CEACAM18: variants seen among roughly 807,000 people sequenced by gnomAD.
CEACAM18 encodes cell adhesion molecule CEACAM18.
In CEACAM18, 33 loss-of-function variants were observed where a neutral mutation model predicts 34.3. That is an observed-to-expected ratio of 0.96 (90% CI 0.73 to 1.29). The LOEUF is 1.29. Ranked by LOEUF, CEACAM18 falls within the 50% of genes most tolerant of loss-of-function variation. The pLI is 0.00. For missense variants in CEACAM18, 474 were observed against 485.0 expected, an observed-to-expected ratio of 0.98 and a Z score of 0.21; for synonymous variants, 169 against 180.9, an observed-to-expected ratio of 0.93 and a Z score of 0.53.
intron 5 of CEACAM18, among the ~76,000 whole-genome samples, chr19:51,490,017 T>C (rs1267351866): frequency 6.6e-6 from 1 of 152,162 alleles, no homozygotes; most frequent in Non-Finnish European, 1.5e-5. Context: ...CCATGTTCTC[T>C]ATGGTCTGGG....
chr19:51,490,853 G>A (rs1224173088), exon 6 of CEACAM18: 2 of 384,608 alleles, frequency 5.2e-6, no homozygotes, highest in East Asian at 3.7e-5. Flanking sequence ...GCCATTGGGC[G>A]CTTCATCTGC....
Position 51,484,815 on chromosome 19 carries a change from T to C in CEACAM18, c.954-172T>C, listed in dbSNP as rs1599944560. 5.3e-5 allele frequency among the ~76,000 whole-genome samples: 8 copies of C among 152,190 alleles called. No homozygotes were observed. The South Asian group carries it at 1.7e-3, about 31-fold the overall frequency. Reference sequence around the variant, plus strand: ...CCAGCTAGAATGTCAGGCCCATGGGTACAGGGAGTTTGTTTTGTTGGCTGC... The same window carrying C: ...CCAGCTAGAATGTCAGGCCCATGGGCACAGGGAGTTTGTTTTGTTGGCTGC... On this transcript the variant is annotated intron_variant, in intron 4 of 5. Coordinates refer to ENST00000396477, the Ensembl canonical transcript of CEACAM18.
At chr19:51,481,751 G>A (rs1472440020) in intron 3 of CEACAM18, 86 bp downstream of exon 3, 3 of 1,375,960 alleles carry the variant, frequency 2.2e-6, no homozygotes, top group Non-Finnish European at 2.9e-6. Flanking sequence ...AGGCTGAGCT[G>A]GAGAGAGGGG....
intron 5 of CEACAM18, among the ~76,000 whole-genome samples, chr19:51,487,521 T>G (rs549325692): frequency 6.6e-6 from 1 of 151,888 alleles, no homozygotes; most frequent in African/African-American, 2.4e-5. Context: ...AATCCCAGCA[T>G]GTTGGAAGGC....
At chr19:51,487,399 C>T (rs962162219) in intron 5 of CEACAM18, among the ~76,000 whole-genome samples, 7 of 151,872 alleles carry the variant, frequency 4.6e-5, no homozygotes, top group Admixed American at 2.0e-4. Context: ...CTCTTGAGCC[C>T]GAGAGGCAGA....
exon 5 of CEACAM18, chr19:51,484,987 G>A: frequency 1.3e-6 from 2 of 1,536,090 alleles, no homozygotes; most frequent in South Asian, 1.2e-5. Context: ...CTTCCTTCAG[G>A]GATCTTACCT....
chr19:51,485,703 T>C (rs1439759920), intron 5 of CEACAM18, among the ~76,000 whole-genome samples: 1 of 152,200 alleles, frequency 6.6e-6, no homozygotes, highest in Admixed American at 6.5e-5. Context: ...AAAGGGGACT[T>C]GCAGCATTCT....
chr19:51,480,720 A>G (rs777310666), intron 2 of CEACAM18, 40 bp downstream of exon 2: 3 of 1,542,404 alleles, frequency 1.9e-6, no homozygotes, highest in African/African-American at 1.4e-5. Context: ...CCCCAAGGAG[A>G]GCTAGATGTG....
chr19:51,478,958 A>ATG (rs377296645), intron 1 of CEACAM18, among the ~76,000 whole-genome samples: 9 of 150,658 alleles, frequency 6.0e-5, no homozygotes, highest in African/African-American at 1.2e-4. Context: ...GCACATGCAC[A>ATG]CACACACACG....
At chr19:51,483,949 A>C (rs1989960718) in intron 4 of CEACAM18, among the ~76,000 whole-genome samples, 1 of 152,200 alleles carries the variant, frequency 6.6e-6, no homozygotes, top group Non-Finnish European at 1.5e-5. Flanking sequence ...GAGACTGCAG[A>C]GGAGTGCAGC....
intron 1 of CEACAM18, among the ~76,000 whole-genome samples, 178 bp downstream of exon 1, chr19:51,478,872 C>A (rs1269358223): frequency 1.3e-5 from 2 of 151,994 alleles, no homozygotes; most frequent in African/African-American, 4.8e-5. Context: ...CATGAGCTCA[C>A]ACACGTGGGC....
exon 2 of CEACAM18, chr19:51,480,494 A>G (rs757123532): frequency 4.3e-6 from 7 of 1,613,934 alleles, no homozygotes; most frequent in African/African-American, 1.3e-5. Context: ...CGCAGGAAAC[A>G]TGATTATCAG....
At chr19:51,490,938 C>G (rs554809360) in exon 6 of CEACAM18, 15 of 293,454 alleles carry the variant, frequency 5.1e-5, no homozygotes, top group Non-Finnish European at 8.1e-5. Context: ...CAAGCGCCTC[C>G]TCCCTCAGCT....
exon 6 of CEACAM18, chr19:51,490,749 C>A: frequency 1.6e-6 from 1 of 613,930 alleles, no homozygotes; most frequent in Non-Finnish European, 2.4e-6. Flanking sequence ...AGAGAGGGAC[C>A]CAGCCCAGTC....
chr19:51,485,697 G>T (rs533986682), intron 5 of CEACAM18, among the ~76,000 whole-genome samples: 2 of 152,298 alleles, frequency 1.3e-5, no homozygotes, highest in East Asian at 3.9e-4. Context: ...GGAGGAAAAG[G>T]GGACTTGCAG....
chr19:51,483,153 T>C (rs751851952), exon 4 of CEACAM18: 1 of 1,614,016 alleles, frequency 6.2e-7, no homozygotes, highest in Non-Finnish European at 8.5e-7. Context: ...GGATCCACAA[T>C]GGCTCCCTCC....
At chr19:51,488,688 C>CT (rs1990042088) in intron 5 of CEACAM18, among the ~76,000 whole-genome samples, 1 of 152,318 alleles carries the variant, frequency 6.6e-6, no homozygotes, top group Non-Finnish European at 1.5e-5. Context: ...CAGGCCCCTC[C>CT]TGGACCTGGA....
At chr19:51,489,591 T>C (rs974616016) in intron 5 of CEACAM18, among the ~76,000 whole-genome samples, 2 of 152,178 alleles carry the variant, frequency 1.3e-5, no homozygotes, top group African/African-American at 4.8e-5. Context: ...TATTTAGATA[T>C]TGAGCCTATT....
At chr19:51,484,054 C>T (rs758019782) in intron 4 of CEACAM18, among the ~76,000 whole-genome samples, 1 of 152,180 alleles carries the variant, frequency 6.6e-6, no homozygotes, top group East Asian at 1.9e-4. Context: ...GCAGCTCCAT[C>T]GTTCCGAGAC....
Sources: allele counts gnomAD v4.1 joint callset (sites outside exome capture counted in the v4.1 genomes callset), GRCh38; gene constraint gnomAD v4.1.1; transcripts MANE v1.5; gene names NCBI Gene and HGNC (gene_info 2026-07-23, HGNC 2026-07-21).